MVK: variants seen among roughly 807,000 people sequenced by gnomAD.
MVK encodes the protein mevalonate kinase.
A neutral mutation model predicts 43.2 loss-of-function variants in MVK; 34 were observed. The ratio of observed to expected loss-of-function variants is 0.79; its 90% CI spans 0.60 to 1.05. The LOEUF is 1.05. Ranked by LOEUF, MVK falls within the 50% of genes least tolerant of loss-of-function variation. The probability of loss-of-function intolerance (pLI) is 0.00; values close to 1 mark genes in which losing one functional copy is unlikely to be tolerated. For synonymous variants in MVK, 190 were observed against 219.8 expected, an observed-to-expected ratio of 0.86 and a Z score of 1.20; for missense variants, 395 against 504.0, an observed-to-expected ratio of 0.78 and a Z score of 2.07.
chr12:109,576,066 G>T lies in MVK; in HGVS notation c.147G>T (p.Val49=), dbSNP rs762533833. The change falls in exon 3 of 11, where the codon GTG becomes GTT. Residue 49 remains valine, a synonymous_variant. Coordinates refer to ENST00000228510, the MANE Select transcript of MVK (RefSeq NM_000431.4). ...TTCAACCCCACAGCAATGGGAAAGTGGACCTCAGCTTACCCAACATTGGTA... is the reference window on the plus strand; with the variant it reads ...TTCAACCCCACAGCAATGGGAAAGTTGACCTCAGCTTACCCAACATTGGTA... ...LRLQPHSNGK[V]DLSLPNIGIK... The T allele has an allele frequency of 6.2e-7, 1 of 1,614,170 alleles. No homozygotes were observed. The highest frequency in any genetic ancestry group is 2.2e-5 in the East Asian group (1 of 44,886).
Position 109,595,087 on chromosome 12 carries a change from G to A in MVK, c.945G>A (p.Leu315=), listed in dbSNP as rs752469036. ...CCCTCGGCGTGGGCCACGCCTCTCT[G>A]GACCAGCTCTGCCAGGTGACCAGGG... is the stretch of plus-strand genomic sequence containing the variant. ...LNALGVGHAS[L]DQLCQVTRAR... Residue 315 remains leucine (L), a synonymous_variant, in exon 10 of 11, where the codon CTG becomes CTA. Coordinates refer to ENST00000228510, the MANE Select transcript of MVK (RefSeq NM_000431.4). This position sits in a 1 kb window ranked among gnomAD's most constrained non-coding sequence, Gnocchi z 5.9. The A allele has an allele frequency of 1.5e-5, 24 of 1,614,058 alleles. No individual in the cohort carries two copies. In the East Asian group the frequency reaches 4.2e-4, roughly 28 times the overall value.
At chr12:109,577,181 C>T (rs1391294508) in intron 3 of MVK, among the ~76,000 whole-genome samples, 1 of 152,156 alleles carries the variant, frequency 6.6e-6, no homozygotes, top group Non-Finnish European at 1.5e-5. Flanking sequence ...TTTTTGACAG[C>T]ACTGTGAAGA....
chr12:109,596,668 C>A lies in MVK; in HGVS notation c.*91C>A. 6.5e-7 allele frequency: 1 copy of A among 1,529,978 alleles called. No individual in the cohort carries two copies. Among genetic ancestry groups the A allele is most frequent in the Non-Finnish European group, 8.8e-7 (1 of 1,132,066 alleles). The allele number at this position is 1,529,978 out of a possible 1,614,324, so 94.8% of individuals were successfully genotyped here. On this transcript the variant is annotated 3_prime_UTR_variant, in exon 11 of 11. Transcript: ENST00000228510. ...TCGACTCTGTGCTGGCCAGCGAGCGCCCAGCTCCTGACACTGCTGGAGAGG... is the reference window on the plus strand; with the variant it reads ...TCGACTCTGTGCTGGCCAGCGAGCGACCAGCTCCTGACACTGCTGGAGAGG...
At position 109,579,887 on chromosome 12, in the gene MVK, C is replaced by T. The variant is rs756557144; in HGVS notation, c.312C>T (p.Thr104=). Residue 104 remains threonine (T), a synonymous_variant, in exon 4 of 11, where the codon ACC becomes ACT. Coordinates refer to ENST00000228510, the MANE Select transcript of MVK (RefSeq NM_000431.4). ...GCTTGCCTGACGACTGTGCTGTCAC[C>T]GAGCGCCTGGCTGTGCTGGCCTTTC... ...VAGLPDDCAV[T]ERLAVLAFLY... is the part of the protein sequence containing the mutation. 35 of 1,614,124 alleles carry T rather than the reference C, an allele frequency of 2.2e-5. 1 individual carries two copies. Among genetic ancestry groups the T allele is most frequent in the Middle Eastern group, 3.3e-4 (2 of 6,084 alleles).
chr12:109,573,685 T>C (rs1206793706), upstream of MVK: 4 of 657,996 alleles, frequency 6.1e-6, no homozygotes, highest in Non-Finnish European at 1.1e-5. Context: ...TCGGCTTGGC[T>C]GCAACACCTA....
intron 9 of MVK, among the ~76,000 whole-genome samples, chr12:109,593,551 C>G (rs2136250186): frequency 6.6e-6 from 1 of 150,686 alleles, no homozygotes; most frequent in East Asian, 1.9e-4. Flanking sequence ...TTGGTACCTA[C>G]TAGCTCAGTG....
intron 3 of MVK, among the ~76,000 whole-genome samples, chr12:109,576,414 A>G (rs1306226440): frequency 2.0e-5 from 3 of 152,200 alleles, no homozygotes; most frequent in Non-Finnish European, 4.4e-5. Flanking sequence ...ATACGTATTT[A>G]AGTATAAATA....
chr12:109,581,665 T>A (rs1885225518), intron 5 of MVK, 115 bp downstream of exon 5: 8 of 1,467,452 alleles, frequency 5.5e-6, no homozygotes, highest in Non-Finnish European at 7.5e-6. Context: ...ATAGTGGCCA[T>A]TTTAACATGA....
upstream of MVK, chr12:109,573,564 C>T: frequency 6.7e-7 from 1 of 1,483,788 alleles, no homozygotes; most frequent in Non-Finnish European, 9.1e-7. Context: ...GGCCGCGCCA[C>T]CGCTCAGGTT....
rs1024151733 is a variant in MVK, at chr12:109,597,796, G to C, written c.*1219G>C. On this transcript the variant is annotated 3_prime_UTR_variant, in exon 11 of 11. Transcript: ENST00000228510. ...TCTGGGACCCACGGACCTGCAAAGA[G>C]GCCGAGTGGAAAGGTGGGGGCCGGC... 6.6e-6 allele frequency: 1 copy of C among 152,246 alleles called. No individual in the cohort carries two copies. Among genetic ancestry groups the C allele is most frequent in the Non-Finnish European group, 1.5e-5 (1 of 68,078 alleles). The allele number at this position is 152,246 out of a possible 1,614,324, so 9.4% of individuals were successfully genotyped here.
chr12:109,592,892 C>T (rs1388487173), intron 9 of MVK, among the ~76,000 whole-genome samples: 2 of 152,166 alleles, frequency 1.3e-5, no homozygotes, highest in Non-Finnish European at 2.9e-5. Context: ...GAACACAGTC[C>T]CCCCGAGTAG....
chr12:109,591,382 G>T, intron 9 of MVK, 25 bp downstream of exon 9: 2 of 1,597,714 alleles, frequency 1.3e-6, no homozygotes, highest in Non-Finnish European at 1.7e-6. Context: ...GCAGGAACCG[G>T]GGTTACTGAG....
In MVK at chr12:109,581,396, GCCCTGC is replaced by G; in HGVS notation, c.375_380del (p.Leu126_Pro127del). ...GTTTCACACCCTGGTGTGTTTCAGG[GCCCTGC>G]CGAGCCTGGATATCGTAGTGTGGTC... is the stretch of plus-strand genomic sequence containing the variant. On this transcript the variant is annotated inframe_deletion and splice_region_variant, in exon 5 of 11. Transcript: ENST00000228510. The G allele has an allele frequency of 6.2e-7, 1 of 1,613,812 alleles. No individual in the cohort carries two copies. The highest frequency in any genetic ancestry group is 8.5e-7 in the Non-Finnish European group (1 of 1,180,022).
At chr12:109,580,099 C>T (rs772098955) in intron 4 of MVK, among the ~76,000 whole-genome samples, 153 bp downstream of exon 4, 11 of 152,174 alleles carry the variant, frequency 7.2e-5, no homozygotes, top group Non-Finnish European at 1.5e-4. Flanking sequence ...CTGCCAGGCA[C>T]GGTATATATG....
intron 6 of MVK, among the ~76,000 whole-genome samples, chr12:109,586,394 G>A (rs1039603196): frequency 6.6e-6 from 1 of 152,180 alleles, no homozygotes; most frequent in Non-Finnish European, 1.5e-5. Context: ...AGGATGCAGA[G>A]CCGTTGCCGT....
intron 10 of MVK, 25 bp from the exon 11 acceptor site, chr12:109,596,401 G>A: frequency 3.1e-6 from 5 of 1,610,516 alleles, no homozygotes; most frequent in Non-Finnish European, 4.2e-6. Context: ...AGTTGTCAAG[G>A]GTGACCTGCC....
chr12:109,591,593 G>A (rs539985078), intron 9 of MVK, among the ~76,000 whole-genome samples: 1 of 152,366 alleles, frequency 6.6e-6, no homozygotes, highest in African/African-American at 2.4e-5. Context: ...AGGGAGGCCA[G>A]GGCCTGGCTC....
intron 8 of MVK, 29 bp downstream of exon 8, chr12:109,590,890 T>A (rs1367142353): frequency 6.2e-7 from 1 of 1,605,266 alleles, no homozygotes; most frequent in Non-Finnish European, 8.5e-7. Context: ...TTGGGCAGGT[T>A]TCAGGAAGGC....
chr12:109,595,145 G>A lies in MVK; in HGVS notation c.1003G>A (p.Gly335Ser), dbSNP rs11614976. 2.5e-6 allele frequency: 4 copies of A among 1,614,156 alleles called. No individual in the cohort carries two copies. The highest frequency in any genetic ancestry group is 3.4e-6 in the Non-Finnish European group (4 of 1,180,012). ...ACTTCACAGCAAGCTGACTGGCGCA[G>A]GCGGTGGTGGCTGTGGCATCACACT... ...RGLHSKLTGA[G>S]GGGCGITLLK... The change falls in exon 10 of 11, where the codon GGC (glycine) becomes AGC (serine). Residue 335 changes from glycine (G) to serine (S), a missense_variant. Gly to Ser is a moderately conservative substitution (Grantham distance 56, BLOSUM62 0). Transcript: ENST00000228510. The surrounding 1 kb of genome is among the most constrained non-coding windows in gnomAD (Gnocchi z 5.9).
Sources: allele counts gnomAD v4.1 joint callset (sites outside exome capture counted in the v4.1 genomes callset), GRCh38; gene constraint gnomAD v4.1.1; non-coding constraint Gnocchi (gnomAD v3.1); transcripts MANE v1.5; gene names NCBI Gene and HGNC (gene_info 2026-07-23, HGNC 2026-07-21).